LBHD1: variants seen among roughly 807,000 people sequenced by gnomAD.
LBHD1 encodes the protein LBH domain containing 1, also known as LBH domain-containing protein 1.
LBHD1 carries 28 observed loss-of-function variants against 31.1 expected under a neutral mutation model. The observed-to-expected ratio is 0.90, with a 90% confidence interval of 0.67 to 1.24. LBHD1 has a LOEUF of 1.24. Among genes scored for constraint, LBHD1 ranks in the 50% most tolerant of loss-of-function variants. The probability of loss-of-function intolerance (pLI) is 0.00; values close to 1 mark genes in which losing one functional copy is unlikely to be tolerated. For synonymous variants in LBHD1, 105 were observed against 116.5 expected (o/e 0.90, Z 0.63); for missense variants, 350 against 323.0 (o/e 1.08, Z -0.64).
chr11:62,663,272 T>C lies in LBHD1; in HGVS notation c.725A>G (p.Asp242Gly). ...GTCTTCTCTTTCTGGGCAAGCCGGA[T>C]CTGCTGGAGGAGTTTTCTGCGCTTC... Reference protein sequence around the residue: ...REEAQKTPPADPACPEREDSH... With the variant: ...REEAQKTPPAGPACPEREDSH... Residue 242 changes from aspartate to glycine, a missense_variant, in exon 6 of 7, where the codon GAT becomes GGT. Coordinates refer to ENST00000354588, the MANE Select transcript of LBHD1 (RefSeq NM_024099.5). The C allele has an allele frequency of 6.2e-7, 1 of 1,614,216 alleles. No individual in the cohort carries two copies. The highest frequency in any genetic ancestry group is 8.5e-7 in the Non-Finnish European group (1 of 1,180,044).
chr11:62,663,771 G>A (rs56907859), intron 5 of LBHD1, among the ~76,000 whole-genome samples: 1,765 of 149,382 alleles, frequency 0.012, 24 homozygotes, highest in African/African-American at 0.028. Context: ...TTACATTGAA[G>A]AAGCTAATGA....
chr11:62,666,710 C>G, intron 4 of LBHD1: 1 of 1,614,070 alleles, frequency 6.2e-7, no homozygotes, highest in Non-Finnish European at 8.5e-7. Flanking sequence ...AGGCCAAACA[C>G]CTCTATGCCC....
rs1394630429 is a variant in LBHD1, at chr11:62,663,310, G to A, written c.687C>T (p.Tyr229=). The change falls in exon 6 of 7, where the codon TAC becomes TAT. Residue 229 remains tyrosine (Y), a synonymous_variant. Transcript: ENST00000354588. ...TTTTCTGCGCTTCTTCCCTGACAGT[G>A]TAATGTTGGCACGTGCACTGGACCT... The part of the protein sequence containing the change: ...EAGVQCTCQH[Y]TVREEAQKTP... 4 of 1,614,052 alleles carry A rather than the reference G, an allele frequency of 2.5e-6. No homozygotes were observed. The highest frequency in any genetic ancestry group is 2.5e-6 in the Non-Finnish European group (3 of 1,180,020).
chr11:62,666,022 CAGG>C (rs1944799453), intron 4 of LBHD1: 1 of 1,483,794 alleles, frequency 6.7e-7, no homozygotes, highest in African/African-American at 1.4e-5. Flanking sequence ...CCTCGTGAGT[CAGG>C]AGTGTAGTCC....
At chr11:62,666,217 T>A (rs1375156929) in intron 4 of LBHD1, 5 of 749,986 alleles carry the variant, frequency 6.7e-6, no homozygotes, top group Non-Finnish European at 1.1e-5. Flanking sequence ...GCGCCTATAG[T>A]CCTAGCTACT....
At chr11:62,666,015 C>A in intron 4 of LBHD1, 2 of 1,519,924 alleles carry the variant, frequency 1.3e-6, no homozygotes, top group South Asian at 1.1e-5. Flanking sequence ...GTGGGTTCCT[C>A]GTGAGTCAGG....
At chr11:62,671,330 T>C in intron 1 of LBHD1, 1 of 1,003,096 alleles carries the variant, frequency 1.0e-6, no homozygotes, top group South Asian at 1.3e-5. Context: ...ATGCCCTCCA[T>C]GCGCTGTGTT....
In LBHD1 at chr11:62,663,340, G is replaced by A. The variant is rs567530749; in HGVS notation, c.664-7C>T. On this transcript the variant is annotated splice_polypyrimidine_tract_variant and splice_region_variant and intron_variant, in intron 5 of 6. Transcript: ENST00000354588. ...GTTGGCACGTGCACTGGACCTGATGGGTAAGTGGAAATAAAGAGAGCTAGG... is the reference window on the plus strand; with the variant it reads ...GTTGGCACGTGCACTGGACCTGATGAGTAAGTGGAAATAAAGAGAGCTAGG... 1 of 1,612,374 alleles carries A rather than the reference G, an allele frequency of 6.2e-7. No homozygotes were observed. Among genetic ancestry groups the A allele is most frequent in the African/African-American group, 1.3e-5 (1 of 74,912 alleles).
At chr11:62,671,522 G>GGTGCCAGCACTTC (rs1944942480) in intron 1 of LBHD1, 42 bp downstream of exon 1, 1 of 1,405,186 alleles carries the variant, frequency 7.1e-7, no homozygotes, top group Non-Finnish European at 9.3e-7. Flanking sequence ...CTCAGCCCTT[G>GGTGCCAGCACTTC]GTGCCAGCAC....
intron 3 of LBHD1, chr11:62,669,433 A>T: frequency 1.0e-6 from 1 of 985,232 alleles, no homozygotes; most frequent in Non-Finnish European, 1.2e-6. Flanking sequence ...AGTACAGATT[A>T]AAGGATGGCA....
intron 4 of LBHD1, chr11:62,665,363 T>C: frequency 1.1e-6 from 1 of 920,510 alleles, no homozygotes; most frequent in African/African-American, 1.6e-5. Context: ...AGTAGCCAGA[T>C]TGGGCGGCCG....
chr11:62,670,289 C>T, intron 1 of LBHD1: 3 of 476,220 alleles, frequency 6.3e-6, no homozygotes, highest in Non-Finnish European at 1.1e-5. Flanking sequence ...GCCCTGTGGG[C>T]CAAGAGTTGT....
Position 62,663,153 on chromosome 11 carries a change from G to T in LBHD1, c.768C>A (p.Ser256Arg). ...ACTAGTCCTGGCTGGCTTTGAAGGG[G>T]CTTCCACTGAGTAAAGGGAAGAAGG... The part of the protein sequence containing the change: ...PEREDSHGSG[S>R]PFKASQD Residue 256 changes from serine to arginine, a missense_variant, in exon 7 of 7, where the codon AGC becomes AGA. Transcript: ENST00000354588. The T allele has an allele frequency of 6.2e-7, 1 of 1,614,036 alleles. No individual in the cohort carries two copies. Among genetic ancestry groups the T allele is most frequent in the Non-Finnish European group, 8.5e-7 (1 of 1,179,926 alleles).
intron 4 of LBHD1, chr11:62,665,440 G>T (rs759434320): frequency 1.3e-6 from 2 of 1,552,402 alleles, no homozygotes; most frequent in Non-Finnish European, 1.7e-6. Context: ...TCTTGGCGGG[G>T]ATCGGGCTTG....
chr11:62,666,980 G>A, intron 4 of LBHD1: 1 of 1,614,148 alleles, frequency 6.2e-7, no homozygotes, highest in Non-Finnish European at 8.5e-7. Flanking sequence ...TGGCTGGACT[G>A]TGACTGTGCA....
At chr11:62,664,820 G>C (rs971246026) in intron 5 of LBHD1, 29 bp downstream of exon 5, 14 of 1,552,950 alleles carry the variant, frequency 9.0e-6, no homozygotes, top group Admixed American at 5.8e-5. Context: ...CGGTGGGGAC[G>C]ACCAACAGGA....
chr11:62,666,263 T>C, intron 4 of LBHD1: 2 of 913,858 alleles, frequency 2.2e-6, no homozygotes. Flanking sequence ...TGAGCCATCA[T>C]TGTGCTACTG....
Position 62,664,992 on chromosome 11 carries a change from C to A in LBHD1, c.539-19G>T, listed in dbSNP as rs772390574. On this transcript the variant is annotated intron_variant, in intron 4 of 6. Transcript: ENST00000354588. ...TCAGCTCCTGCCGGGGAGAAAGATG[C>A]GAATCAGATGGAGTGGGCTCGCCGC... 1 of 1,608,242 alleles carries A rather than the reference C, an allele frequency of 6.2e-7. No homozygotes were observed. Among genetic ancestry groups the A allele is most frequent in the Admixed American group, 1.7e-5 (1 of 59,948 alleles).
intron 1 of LBHD1, chr11:62,670,892 AGAGT>A (rs1276644044): frequency 5.9e-6 from 1 of 170,886 alleles, no homozygotes; most frequent in Non-Finnish European, 1.3e-5. Context: ...GCTGGGCAAC[AGAGT>A]GAGACTCTGT....
Sources: gnomAD v4.1 joint callset for allele counts (sites outside exome capture counted in the v4.1 genomes callset) on GRCh38, gnomAD v4.1.1 for gene constraint, MANE v1.5 for transcripts, NCBI Gene and HGNC (gene_info 2026-07-23, HGNC 2026-07-21) for gene names.